Variants in CUBN observed in about 807,000 individuals in gnomAD.
CUBN encodes the protein cubilin, also known as 460 kDa receptor.
In CUBN, 282 loss-of-function variants were observed where a neutral mutation model predicts 405.3. The observed-to-expected ratio is 0.70, with a 90% CI of 0.63 to 0.77. The LOEUF is 0.77. Ranked by LOEUF, CUBN falls within the 30% of genes least tolerant of loss-of-function variation. CUBN has a pLI of 0.00. For missense variants in CUBN, 4,514 were observed against 4,475.2 expected (o/e 1.01, Z -0.25); for synonymous variants, 1,684 against 1,617.0 (o/e 1.04, Z -0.99).
chr10:16,986,413 C>G (rs1027323441), intron 29 of CUBN, among the ~76,000 whole-genome samples: 1 of 152,142 alleles, frequency 6.6e-6, no homozygotes, highest in Admixed American at 6.6e-5. Flanking sequence ...AAGAAGCCTA[C>G]TTTGGGGAGG....
rs1316078970 is a variant in CUBN at position 16,915,682 on chromosome 10, T to A, written c.7210+139A>T. The A allele has an allele frequency of 4.0e-6, 3 of 758,662 alleles. No individual in the cohort carries two copies. The African/African-American group carries it at 5.2e-5, about 13-fold the overall frequency. The allele number at this position is 758,662 out of a possible 1,614,324, so 47.0% of individuals were successfully genotyped here. ...AATTGAGGGAGAGAATCACCAGTAC[T>A]GCCCAAAGCTCATTAGTCTGCACTT... On this transcript the variant is annotated intron_variant, in intron 46 of 66. Coordinates refer to ENST00000377833, the MANE Select transcript of CUBN (RefSeq NM_001081.4).
intron 59 of CUBN, among the ~76,000 whole-genome samples, chr10:16,855,076 TC>T (rs1441419317): frequency 3.7e-5 from 2 of 54,372 alleles, no homozygotes; most frequent in Non-Finnish European, 6.6e-5. Context: ...TCTCCTCCCC[TC>T]CCCTCCCCTC....
At position 17,070,550 on chromosome 10, in the gene CUBN, T is replaced by C. The variant is rs377346307; in HGVS notation, c.2625+876A>G. Among the ~76,000 whole-genome samples, 22 of 152,312 alleles carry C rather than the reference T, an allele frequency of 1.4e-4. No homozygotes were observed. In the South Asian group the frequency reaches 4.6e-3, roughly 32 times the overall value. On this transcript the variant is annotated intron_variant, in intron 19 of 66. Coordinates refer to ENST00000377833, the MANE Select transcript of CUBN (RefSeq NM_001081.4). Reference sequence around the variant, plus strand: ...TTTTTAAATTTCTTTCAAGGACGTTTTATAGTCTCAGAGGACAAGTTTTAC... The same window carrying C: ...TTTTTAAATTTCTTTCAAGGACGTTCTATAGTCTCAGAGGACAAGTTTTAC...
At chr10:17,054,103 T>G (rs1835332056) in intron 22 of CUBN, among the ~76,000 whole-genome samples, 1 of 151,892 alleles carries the variant, frequency 6.6e-6, no homozygotes, top group Admixed American at 6.6e-5. Flanking sequence ...GAGGCCAAGG[T>G]GGGCAGATTA....
chr10:17,125,556 T>C (rs1448162428), intron 4 of CUBN, among the ~76,000 whole-genome samples: 1 of 152,232 alleles, frequency 6.6e-6, no homozygotes, highest in Non-Finnish European at 1.5e-5. Flanking sequence ...AAAGGTTTTC[T>C]GTCAGACAAA....
intron 14 of CUBN, among the ~76,000 whole-genome samples, chr10:17,096,112 G>T (rs1215827360): frequency 6.6e-6 from 1 of 152,070 alleles, no homozygotes; most frequent in African/African-American, 2.4e-5. Context: ...AAAGTAGAAT[G>T]GTGGTGGCCA....
At chr10:17,018,993 A>C (rs1834421468) in intron 28 of CUBN, among the ~76,000 whole-genome samples, 1 of 152,222 alleles carries the variant, frequency 6.6e-6, no homozygotes, top group Admixed American at 6.5e-5. Context: ...CCAAACTTTA[A>C]TCACCAGGGA....
chr10:17,084,884 A>T (rs1233933922), intron 16 of CUBN, among the ~76,000 whole-genome samples: 1 of 152,212 alleles, frequency 6.6e-6, no homozygotes, highest in Non-Finnish European at 1.5e-5. Flanking sequence ...TTGCACGGAA[A>T]ACAATTGAAA....
chr10:16,981,658 C>T (rs3012482), intron 31 of CUBN, among the ~76,000 whole-genome samples: 111,308 of 151,804 alleles, frequency 0.73, 43,642 homozygotes, highest in Non-Finnish European at 0.89. Context: ...AGAGCCTGCT[C>T]CCACCAGAGA....
chr10:16,999,695 G>A (rs1588566478), intron 28 of CUBN, among the ~76,000 whole-genome samples: 1 of 152,306 alleles, frequency 6.6e-6, no homozygotes, highest in African/African-American at 2.4e-5. Context: ...AACAAAGACA[G>A]AGAAAACATG....
Position 16,869,843 on chromosome 10 carries a change from A to G in CUBN, c.9247T>C (p.Phe3083Leu), listed in dbSNP as rs1425079841. 3 of 1,610,176 alleles carry G rather than the reference A, an allele frequency of 1.9e-6. No individual in the cohort carries two copies. The highest frequency in any genetic ancestry group is 1.7e-5 in the Admixed American group (1 of 59,994). ...CAGGAGGTGGAGGGAACCACATCAA[A>G]ATCACTGAACCTGTGAAATGTACCT... ...DKVIELKFSD[F>L]DVVPSTSCSH... The change falls in exon 59 of 67, where the codon TTT (phenylalanine) becomes CTT (leucine). Residue 3083 changes from phenylalanine to leucine, a missense_variant. This residue lies in a region of CUBN where 1,186 missense variants were observed against 1,186.9 expected (regional missense o/e 1.00). Transcript: ENST00000377833.
intron 21 of CUBN, 107 bp downstream of exon 21, chr10:17,067,957 A>T (rs1257300339): frequency 2.4e-6 from 2 of 833,866 alleles, no homozygotes; most frequent in Admixed American, 4.0e-5. Flanking sequence ...AAGCATGAGG[A>T]TCTCACCTGG....
At chr10:17,064,427 G>A (rs1310617766) in intron 22 of CUBN, among the ~76,000 whole-genome samples, 3 of 152,194 alleles carry the variant, frequency 2.0e-5, no homozygotes, top group Admixed American at 1.3e-4. Context: ...TTCTCAGGAT[G>A]CCAGAGTGTG....
rs1836724311 is a variant in CUBN, at chr10:17,109,702, G to A, written c.1049C>T (p.Thr350Ile). 6.2e-6 allele frequency: 10 copies of A among 1,613,930 alleles called. No homozygotes were observed. Among genetic ancestry groups the A allele is most frequent in the South Asian group, 2.2e-5 (2 of 91,068 alleles). ...TCCATTACTGACTGAGCAGATGTCT[G>A]TGAGTGTGCACACTCTTCCGTCACC... is the stretch of plus-strand genomic sequence containing the variant. ...YQGDGRVCTLTDICSVSNGGC... is the reference protein window; with the variant it reads ...YQGDGRVCTLIDICSVSNGGC... The change falls in exon 10 of 67, where the codon ACA (threonine) becomes ATA (isoleucine). Residue 350 changes from threonine to isoleucine, a missense_variant. Physicochemically the swap from Thr to Ile is moderately conservative, Grantham distance 89. Transcript: ENST00000377833.
chr10:17,102,960 G>A (rs1836531966), intron 13 of CUBN, among the ~76,000 whole-genome samples, 165 bp downstream of exon 13: 1 of 151,512 alleles, frequency 6.6e-6, no homozygotes, highest in East Asian at 1.9e-4. Context: ...TTATGAAAAG[G>A]TAGGTATATG....
chr10:16,858,511 G>A (rs941841123), intron 59 of CUBN, among the ~76,000 whole-genome samples: 2 of 152,006 alleles, frequency 1.3e-5, no homozygotes, highest in Non-Finnish European at 1.5e-5. Flanking sequence ...GGTGAAGACA[G>A]GGTCTTGCTA....
intron 56 of CUBN, among the ~76,000 whole-genome samples, chr10:16,884,761 G>A (rs533882424): frequency 6.6e-6 from 1 of 152,092 alleles, no homozygotes; most frequent in Non-Finnish European, 1.5e-5. Context: ...ACGCCATATA[G>A]GGACAAGTGT....
chr10:16,881,751 T>C (rs1588616044), intron 56 of CUBN, among the ~76,000 whole-genome samples: 1 of 152,282 alleles, frequency 6.6e-6, no homozygotes, highest in East Asian at 1.9e-4. Context: ...GTACATAATA[T>C]TAGAAGCTGG....
chr10:16,934,553 A>G (rs902926221), intron 39 of CUBN, among the ~76,000 whole-genome samples: 3 of 152,172 alleles, frequency 2.0e-5, no homozygotes, highest in African/African-American at 7.2e-5. Flanking sequence ...TCTATGTGAA[A>G]TATTTCTTAT....
Sources: gnomAD v4.1 joint callset for allele counts (sites outside exome capture counted in the v4.1 genomes callset) on GRCh38, gnomAD v4.1.1 for gene constraint, gnomAD v4.1.1 regional missense constraint, MANE v1.5 for transcripts, NCBI Gene and HGNC (gene_info 2026-07-23, HGNC 2026-07-21) for gene names.